Variants in GULP1 observed in about 807,000 individuals in gnomAD.
The protein encoded by GULP1 is PTB domain-containing engulfment adapter protein 1.
A neutral mutation model predicts 40.9 loss-of-function variants in GULP1; 19 were observed. The ratio of observed to expected loss-of-function variants is 0.46; its 90% CI spans 0.32 to 0.68. GULP1 has a LOEUF of 0.68. Among genes scored for constraint, GULP1 ranks in the 30% least tolerant of loss-of-function variants. The probability of loss-of-function intolerance (pLI) is 0.03; values close to 1 mark genes in which losing one functional copy is unlikely to be tolerated. For synonymous variants in GULP1, 119 were observed against 117.6 expected (o/e 1.01, Z -0.08); for missense variants, 312 against 362.2 (o/e 0.86, Z 1.12).
intron 2 of GULP1, among the ~76,000 whole-genome samples, chr2:188,401,234 T>C (rs2052244839): frequency 6.6e-6 from 1 of 152,120 alleles, no homozygotes. Flanking sequence ...AAATAATTTT[T>C]AATAGCATAT....
chr2:188,439,728 C>T (rs561274922), intron 2 of GULP1, among the ~76,000 whole-genome samples: 3 of 152,062 alleles, frequency 2.0e-5, no homozygotes, highest in South Asian at 2.1e-4. Context: ...GTGGGGAGGA[C>T]GCCTTAATTT....
At chr2:188,482,726 TAATAC>T (rs919219216) in intron 3 of GULP1, among the ~76,000 whole-genome samples, 4 of 151,216 alleles carry the variant, frequency 2.6e-5, no homozygotes, top group African/African-American at 9.7e-5. Context: ...AAATAATATA[TAATAC>T]AATTACTTTT....
intron 2 of GULP1, among the ~76,000 whole-genome samples, chr2:188,471,555 G>T (rs1347513462): frequency 6.6e-6 from 1 of 151,806 alleles, no homozygotes; most frequent in Non-Finnish European, 1.5e-5. Flanking sequence ...TTGGTTTGAG[G>T]TTACAATGAG....
intron 2 of GULP1, among the ~76,000 whole-genome samples, chr2:188,416,124 C>T (rs903545556): frequency 4.6e-5 from 7 of 152,110 alleles, no homozygotes; most frequent in African/African-American, 1.7e-4. Context: ...TGTTTCCACT[C>T]TTCAAAATGA....
At chr2:188,536,470 T>G (rs1012867283) in intron 6 of GULP1, among the ~76,000 whole-genome samples, 2 of 152,134 alleles carry the variant, frequency 1.3e-5, no homozygotes, top group East Asian at 3.9e-4. Context: ...TTATTTTTGT[T>G]GACTTTGTCA....
chr2:188,378,821 C>G (rs928566623), intron 1 of GULP1, among the ~76,000 whole-genome samples: 2 of 152,164 alleles, frequency 1.3e-5, no homozygotes, highest in Non-Finnish European at 2.9e-5. Flanking sequence ...TTGGGGATCA[C>G]ATTTCAACAT....
intron 7 of GULP1, among the ~76,000 whole-genome samples, chr2:188,563,646 T>A (rs1696907531): frequency 6.6e-6 from 1 of 151,062 alleles, no homozygotes; most frequent in African/African-American, 2.4e-5. Flanking sequence ...TTGACAAAAC[T>A]TTTTGACAAG....
intron 7 of GULP1, among the ~76,000 whole-genome samples, chr2:188,542,499 A>G (rs924812800): frequency 6.6e-6 from 1 of 152,182 alleles, no homozygotes; most frequent in East Asian, 1.9e-4. Context: ...AAAAGTTACA[A>G]AAAATAGAGC....
intron 1 of GULP1, among the ~76,000 whole-genome samples, chr2:188,331,090 T>C (rs899929627): frequency 6.6e-6 from 1 of 152,240 alleles, no homozygotes; most frequent in Non-Finnish European, 1.5e-5. Flanking sequence ...ATCCCGCTAA[T>C]TTCACAACCA....
chr2:188,468,987 T>A (rs914360672), intron 2 of GULP1, among the ~76,000 whole-genome samples: 6 of 152,104 alleles, frequency 3.9e-5, no homozygotes, highest in African/African-American at 1.2e-4. Flanking sequence ...GGTGGTGCGA[T>A]TAGGGATAGG....
At chr2:188,450,189 C>A (rs954593445) in intron 2 of GULP1, among the ~76,000 whole-genome samples, 1 of 152,154 alleles carries the variant, frequency 6.6e-6, no homozygotes, top group South Asian at 2.1e-4. Flanking sequence ...GGCACTGTGC[C>A]AGGTCATTTA....
chr2:188,454,027 G>A (rs2059048457), intron 2 of GULP1, among the ~76,000 whole-genome samples: 1 of 152,168 alleles, frequency 6.6e-6, no homozygotes, highest in Non-Finnish European at 1.5e-5. Context: ...CCGTATGGCT[G>A]GCAAGGCCCC....
intron 7 of GULP1, among the ~76,000 whole-genome samples, chr2:188,555,614 C>T (rs1047325194): frequency 1.3e-5 from 2 of 152,152 alleles, no homozygotes; most frequent in Non-Finnish European, 1.5e-5. Flanking sequence ...GGTGACTAGA[C>T]GCTTTCCTCT....
At chr2:188,586,781 CTG>C (rs1702464967) in intron 10 of GULP1, among the ~76,000 whole-genome samples, 1 of 152,018 alleles carries the variant, frequency 6.6e-6, no homozygotes, top group Non-Finnish European at 1.5e-5. Context: ...AACATGAAAA[CTG>C]GAAAAGTAAG....
At chr2:188,332,028 G>T (rs2041662008) in intron 1 of GULP1, among the ~76,000 whole-genome samples, 1 of 151,994 alleles carries the variant, frequency 6.6e-6, no homozygotes, top group Non-Finnish European at 1.5e-5. Flanking sequence ...AGCTCATACG[G>T]CAACATTCCT....
At chr2:188,339,026 C>T (rs963910477) in intron 1 of GULP1, among the ~76,000 whole-genome samples, 2 of 152,158 alleles carry the variant, frequency 1.3e-5, no homozygotes, top group East Asian at 3.9e-4. Context: ...GAAAATCCAT[C>T]TTCCAGTGCC....
At chr2:188,507,923 T>G (rs1191074704) in intron 4 of GULP1, among the ~76,000 whole-genome samples, 4 of 151,988 alleles carry the variant, frequency 2.6e-5, no homozygotes, top group Non-Finnish European at 5.9e-5. Flanking sequence ...TAGGTATAGT[T>G]CTTTTTGAGA....
chr2:188,401,043 A>T (rs1324621728), intron 2 of GULP1, among the ~76,000 whole-genome samples: 2 of 151,690 alleles, frequency 1.3e-5, no homozygotes, highest in African/African-American at 2.4e-5. Flanking sequence ...GAGACTTCCA[A>T]GTGAGCATGT....
At chr2:188,547,243 A>G (rs1692208590) in intron 7 of GULP1, among the ~76,000 whole-genome samples, 1 of 138,076 alleles carries the variant, frequency 7.2e-6, no homozygotes, top group Admixed American at 7.1e-5. Flanking sequence ...TTAGACAATG[A>G]AAAAAAAAAA....
Sources: gnomAD v4.1 joint callset for allele counts (sites outside exome capture counted in the v4.1 genomes callset) on GRCh38, gnomAD v4.1.1 for gene constraint, MANE v1.5 for transcripts, NCBI Gene and HGNC (gene_info 2026-07-23, HGNC 2026-07-21) for gene names.